The following RBFOX1 variants were observed in gnomAD, a reference collection of about 807,000 sequenced individuals.
RBFOX1 encodes RNA binding fox-1 homolog 1, also known as RNA binding protein fox-1 homolog 1.
A neutral mutation model predicts 57.7 loss-of-function variants in RBFOX1; 8 were observed. The observed-to-expected ratio is 0.14, with a 90% CI of 0.08 to 0.25. The LOEUF is 0.25. RBFOX1 is among the 10% of genes least tolerant of loss of function. RBFOX1 has a pLI of 1.00. For missense variants in RBFOX1, 611 were observed against 548.5 expected (o/e 1.11, Z -1.14); for synonymous variants, 326 against 222.4 (o/e 1.47, Z -4.15).
At chr16:5,773,711 T>C (rs1426730518) in intron 3 of RBFOX1, among the ~76,000 whole-genome samples, 3 of 152,212 alleles carry the variant, frequency 2.0e-5, no homozygotes, top group Non-Finnish European at 4.4e-5. Context: ...TTTTATTTTA[T>C]TTTTGAGACA....
At chr16:7,296,353 T>C (rs1228980191) in intron 4 of RBFOX1, among the ~76,000 whole-genome samples, 1 of 151,916 alleles carries the variant, frequency 6.6e-6, no homozygotes, top group East Asian at 1.9e-4. Context: ...TATGTGTGTA[T>C]GTATGAATGT....
chr16:7,554,563 A>T (rs537815978), intron 5 of RBFOX1, among the ~76,000 whole-genome samples: 1 of 152,280 alleles, frequency 6.6e-6, no homozygotes, highest in Admixed American at 6.5e-5. Flanking sequence ...AAATGTGGAG[A>T]TGTTCAAAGT....
chr16:5,859,853 G>A (rs1029899619), intron 3 of RBFOX1, among the ~76,000 whole-genome samples: 1 of 152,190 alleles, frequency 6.6e-6, no homozygotes, highest in African/African-American at 2.4e-5. Context: ...GATACTGTGG[G>A]TCAGGAATCT....
intron 4 of RBFOX1, among the ~76,000 whole-genome samples, chr16:5,931,464 A>T (rs945232958): frequency 1.3e-5 from 2 of 152,110 alleles, no homozygotes; most frequent in African/African-American, 4.8e-5. Context: ...GGCAGGTGTT[A>T]ACAGAGAAGG....
intron 2 of RBFOX1, among the ~76,000 whole-genome samples, chr16:6,486,484 A>T (rs1159873423): frequency 6.6e-6 from 1 of 152,106 alleles, no homozygotes; most frequent in Non-Finnish European, 1.5e-5. Context: ...CTTTTATTTT[A>T]AAAACTTCAC....
intron 4 of RBFOX1, among the ~76,000 whole-genome samples, chr16:7,472,656 T>C (rs1051862113): frequency 1.3e-5 from 2 of 152,220 alleles, no homozygotes; most frequent in Non-Finnish European, 2.9e-5. Context: ...TTTTTGAGCA[T>C]TAATCCAGAG....
chr16:6,036,213 G>A (rs901177369), intron 1 of RBFOX1, among the ~76,000 whole-genome samples: 9 of 152,160 alleles, frequency 5.9e-5, no homozygotes, highest in Non-Finnish European at 4.4e-5. Context: ...TCACTTCTCA[G>A]CACAGGGCAT....
chr16:6,794,420 C>G (rs760755755), intron 3 of RBFOX1, among the ~76,000 whole-genome samples: 3 of 151,044 alleles, frequency 2.0e-5, no homozygotes, highest in African/African-American at 4.9e-5. Context: ...TGCTGCTTTT[C>G]TATTGCTCAG....
At chr16:6,787,111 A>G (rs546331515) in intron 3 of RBFOX1, among the ~76,000 whole-genome samples, 10 of 152,286 alleles carry the variant, frequency 6.6e-5, no homozygotes, top group South Asian at 6.2e-4. Flanking sequence ...CCGAAATGCA[A>G]TGATTTCCTG....
intron 3 of RBFOX1, among the ~76,000 whole-genome samples, chr16:6,837,096 A>G (rs1380889918): frequency 6.6e-6 from 1 of 152,242 alleles, no homozygotes; most frequent in Admixed American, 6.5e-5. Flanking sequence ...AACAATAGCC[A>G]GAGCAGTACT....
chr16:5,896,740 T>C (rs908106479), intron 4 of RBFOX1, among the ~76,000 whole-genome samples: 6 of 151,928 alleles, frequency 3.9e-5, no homozygotes, highest in African/African-American at 1.5e-4. Context: ...GGGGAGAGGG[T>C]TTCCATTTGG....
chr16:5,322,478 C>T (rs552502578), intron 1 of RBFOX1, among the ~76,000 whole-genome samples: 3 of 152,246 alleles, frequency 2.0e-5, no homozygotes, highest in South Asian at 2.1e-4. Context: ...TCTGTGGCTG[C>T]CAGTTTCTCA....
intron 2 of RBFOX1, among the ~76,000 whole-genome samples, chr16:6,445,363 C>T (rs1200096194): frequency 2.0e-5 from 3 of 152,086 alleles, no homozygotes; most frequent in Non-Finnish European, 2.9e-5. Context: ...CACAGGGAGA[C>T]ATCTGGTCAA....
chr16:5,497,332 G>A (rs929633959), intron 2 of RBFOX1, among the ~76,000 whole-genome samples: 1 of 147,806 alleles, frequency 6.8e-6, no homozygotes, highest in Non-Finnish European at 1.5e-5. Context: ...TCGGTGAATC[G>A]CTCTACTCTT....
chr16:5,392,159 A>C (rs985380690), intron 1 of RBFOX1, among the ~76,000 whole-genome samples: 2 of 152,104 alleles, frequency 1.3e-5, no homozygotes, highest in South Asian at 2.1e-4. Flanking sequence ...ATGAGGGATA[A>C]AAGACTACAA....
chr16:5,632,139 G>C (rs935925023), intron 3 of RBFOX1, among the ~76,000 whole-genome samples: 1 of 152,204 alleles, frequency 6.6e-6, no homozygotes, highest in Non-Finnish European at 1.5e-5. Context: ...AAGGACACAG[G>C]ATGCAGGTAA....
chr16:7,651,735 A>C (rs2065106132), intron 11 of RBFOX1, among the ~76,000 whole-genome samples: 1 of 152,182 alleles, frequency 6.6e-6, no homozygotes, highest in South Asian at 2.1e-4. Flanking sequence ...AGCCTGGAAA[A>C]GGAGTTGGTT....
chr16:7,650,177 T>G (rs144285228), intron 11 of RBFOX1, among the ~76,000 whole-genome samples: 1 of 152,176 alleles, frequency 6.6e-6, no homozygotes, highest in African/African-American at 2.4e-5. Flanking sequence ...AACTAGAGAT[T>G]TCACGAAAGG....
intron 1 of RBFOX1, among the ~76,000 whole-genome samples, chr16:5,333,456 G>A (rs1214915482): frequency 6.6e-6 from 1 of 152,022 alleles, no homozygotes; most frequent in African/African-American, 2.4e-5. Context: ...AATAGGAAGA[G>A]TTTACAGATC....
Sources: allele counts gnomAD v4.1 joint callset (sites outside exome capture counted in the v4.1 genomes callset), GRCh38; gene constraint gnomAD v4.1.1; transcripts MANE v1.5; gene names NCBI Gene and HGNC (gene_info 2026-07-23, HGNC 2026-07-21).